Variants in AUTS2 observed in about 807,000 individuals in gnomAD.
AUTS2 encodes the protein autism susceptibility gene 2 protein.
In AUTS2, 17 loss-of-function variants were observed where a neutral mutation model predicts 112.4. That is an observed-to-expected ratio of 0.15 (90% CI 0.10 to 0.23). The LOEUF (loss-of-function observed/expected upper bound fraction) is 0.23. Ranked by LOEUF, AUTS2 falls within the 10% of genes least tolerant of loss-of-function variation. The pLI, the probability that AUTS2 is intolerant of heterozygous loss-of-function variation, is 1.00. For synonymous variants in AUTS2, 751 were observed against 702.7 expected (o/e 1.07, Z -1.09); for missense variants, 1,510 against 1,701.6 (o/e 0.89, Z 1.98).
chr7:70,521,162 A>G lies in AUTS2; in HGVS notation c.690+85381A>G, dbSNP rs570885472. On this transcript the variant is annotated intron_variant, in intron 5 of 18. Coordinates refer to ENST00000342771, the MANE Select transcript of AUTS2 (RefSeq NM_015570.4). Reference sequence around the variant, plus strand: ...CTTCACCCTTGTTCCTTGAGTGGAGAAAAAAGACCCCAGGCTGTGTGTACT... The same window carrying G: ...CTTCACCCTTGTTCCTTGAGTGGAGGAAAAAGACCCCAGGCTGTGTGTACT... 7.2e-5 allele frequency among the ~76,000 whole-genome samples: 11 copies of G among 152,300 alleles called. No homozygotes were observed. In the South Asian group the frequency reaches 2.3e-3, roughly 32 times the overall value.
At chr7:69,602,356 A>G (rs1308015906) in intron 1 of AUTS2, among the ~76,000 whole-genome samples, 1 of 152,086 alleles carries the variant, frequency 6.6e-6, no homozygotes, top group South Asian at 2.1e-4. Context: ...GCTGAATACT[A>G]TGTCACCTTC....
chr7:70,036,627 G>T (rs1336654553), intron 2 of AUTS2, among the ~76,000 whole-genome samples: 1 of 152,194 alleles, frequency 6.6e-6, no homozygotes, highest in African/African-American at 2.4e-5. Context: ...TTGAAATGCT[G>T]TAAGAGCAGA....
At chr7:70,017,090 A>G (rs778820151) in intron 2 of AUTS2, among the ~76,000 whole-genome samples, 1 of 152,258 alleles carries the variant, frequency 6.6e-6, no homozygotes. Flanking sequence ...AACTTCAAGT[A>G]TTAAATTTCT....
intron 2 of AUTS2, among the ~76,000 whole-genome samples, chr7:70,007,977 G>C (rs1003350888): frequency 2.6e-5 from 4 of 152,046 alleles, no homozygotes; most frequent in African/African-American, 7.2e-5. Flanking sequence ...TTACTAGATT[G>C]ATTGGGCATT....
At chr7:70,716,362 A>C (rs551898403) in intron 6 of AUTS2, among the ~76,000 whole-genome samples, 1 of 152,234 alleles carries the variant, frequency 6.6e-6, no homozygotes, top group Admixed American at 6.5e-5. Context: ...GGCCGGGCAC[A>C]GTGGCTCATG....
intron 4 of AUTS2, among the ~76,000 whole-genome samples, chr7:70,384,824 TC>T (rs988859009): frequency 1.4e-4 from 22 of 152,230 alleles, no homozygotes; most frequent in African/African-American, 5.1e-4. Context: ...ATCTTTCATA[TC>T]CCCCACTGGC....
intron 5 of AUTS2, among the ~76,000 whole-genome samples, chr7:70,517,222 G>A (rs892090473): frequency 9.8e-5 from 15 of 152,286 alleles, no homozygotes; most frequent in African/African-American, 3.6e-4. Context: ...TTCTGTATAT[G>A]CTCACCTGTG....
At chr7:70,380,861 A>G (rs939029209) in intron 4 of AUTS2, among the ~76,000 whole-genome samples, 3 of 152,224 alleles carry the variant, frequency 2.0e-5, no homozygotes, top group Admixed American at 6.5e-5. Flanking sequence ...AATATTCAAA[A>G]CTAGCCTGAA....
chr7:70,247,442 G>T (rs981565017), intron 4 of AUTS2, among the ~76,000 whole-genome samples: 9 of 152,116 alleles, frequency 5.9e-5, no homozygotes, highest in Non-Finnish European at 1.3e-4. Flanking sequence ...GAGCTGGATG[G>T]TGGTGATAAT....
chr7:70,054,319 T>C (rs1376463575), intron 2 of AUTS2, among the ~76,000 whole-genome samples: 1 of 152,228 alleles, frequency 6.6e-6, no homozygotes, highest in Non-Finnish European at 1.5e-5. Context: ...TTCTATCTTC[T>C]CTTTCTCACT....
intron 6 of AUTS2, among the ~76,000 whole-genome samples, chr7:70,718,887 T>C (rs1018793258): frequency 2.6e-5 from 4 of 152,034 alleles, no homozygotes; most frequent in African/African-American, 9.7e-5. Flanking sequence ...GAGAGTGAAA[T>C]CGACTGTTTC....
At chr7:70,234,827 T>C (rs565570601) in intron 4 of AUTS2, among the ~76,000 whole-genome samples, 1 of 152,140 alleles carries the variant, frequency 6.6e-6, no homozygotes, top group East Asian at 1.9e-4. Context: ...CCTGGAATAT[T>C]GATCTTCACC....
At chr7:70,725,592 G>C (rs556955155) in intron 6 of AUTS2, among the ~76,000 whole-genome samples, 22 of 152,314 alleles carry the variant, frequency 1.4e-4, no homozygotes, top group Middle Eastern at 3.4e-3. Flanking sequence ...CATTCCCTGA[G>C]AGTCCAAAAT....
At chr7:70,332,351 T>A (rs895180360) in intron 4 of AUTS2, among the ~76,000 whole-genome samples, 2 of 152,122 alleles carry the variant, frequency 1.3e-5, no homozygotes, top group Non-Finnish European at 2.9e-5. Context: ...TGCTCATGGA[T>A]AGGAAGAATC....
chr7:70,191,075 T>G (rs1453566438), intron 4 of AUTS2, among the ~76,000 whole-genome samples: 1 of 151,998 alleles, frequency 6.6e-6, no homozygotes, highest in African/African-American at 2.4e-5. Context: ...TATTGAAGCC[T>G]TACTAAATTC....
intron 2 of AUTS2, among the ~76,000 whole-genome samples, chr7:70,102,115 CTTT>C (rs537710268): frequency 2.4e-5 from 3 of 127,162 alleles, no homozygotes; most frequent in Non-Finnish European, 1.7e-5. Context: ...GCAGTGTTTA[CTTT>C]TTTTTTTTTT....
chr7:70,476,595 G>A (rs942423519), intron 5 of AUTS2, among the ~76,000 whole-genome samples: 2 of 152,188 alleles, frequency 1.3e-5, no homozygotes, highest in Admixed American at 6.5e-5. Context: ...AATAAGTCAT[G>A]TACTGAGTGT....
At chr7:70,217,449 C>G (rs1195513247) in intron 4 of AUTS2, among the ~76,000 whole-genome samples, 1 of 152,176 alleles carries the variant, frequency 6.6e-6, no homozygotes, top group Non-Finnish European at 1.5e-5. Flanking sequence ...GCACTTAGAG[C>G]ATGGCGAATA....
intron 5 of AUTS2, among the ~76,000 whole-genome samples, chr7:70,546,149 A>C (rs1800765233): frequency 6.6e-6 from 1 of 152,224 alleles, no homozygotes; most frequent in Middle Eastern, 3.2e-3. Flanking sequence ...CTACAGAGTT[A>C]ACTTAAAATT....
Sources: gnomAD v4.1 joint callset for allele counts (sites outside exome capture counted in the v4.1 genomes callset) on GRCh38, gnomAD v4.1.1 for gene constraint, MANE v1.5 for transcripts, NCBI Gene and HGNC (gene_info 2026-07-23, HGNC 2026-07-21) for gene names.